The following CASD1 variants were observed in gnomAD, a reference collection of about 807,000 sequenced individuals.
The protein encoded by CASD1 is CAS1 domain sialic acid O acetyltransferase 1.
Under a neutral mutation model 100.0 loss-of-function variants are expected in CASD1, and 41 were observed. The ratio of observed to expected loss-of-function variants is 0.41; its 90% CI spans 0.32 to 0.53. The LOEUF is 0.53. CASD1 is among the 20% of genes least tolerant of loss of function. The pLI is 0.25. For missense variants in CASD1, 774 were observed against 948.7 expected (o/e 0.82, Z 2.42); for synonymous variants, 321 against 315.6 (o/e 1.02, Z -0.18).
At chr7:94,542,457 T>C (rs1795454585) in intron 10 of CASD1, among the ~76,000 whole-genome samples, 1 of 152,220 alleles carries the variant, frequency 6.6e-6, no homozygotes, top group South Asian at 2.1e-4. Flanking sequence ...GTTGAAATAT[T>C]TTGAACATAT....
intron 14 of CASD1, 123 bp downstream of exon 14, chr7:94,549,757 G>A (rs1795854793): frequency 4.8e-6 from 3 of 624,264 alleles, no homozygotes; most frequent in Non-Finnish European, 8.2e-6. Flanking sequence ...GTAAATCAAA[G>A]CAGTCCAGCA....
At chr7:94,604,650 T>C in the CASD1 span, among the ~76,000 whole-genome samples, 6 of 151,602 alleles carry the variant, frequency 4.0e-5, no homozygotes, top group African/African-American at 1.5e-4. Flanking sequence ...ATAGTTGTTA[T>C]AACTAATGGT....
At chr7:94,623,970 A>G in the CASD1 span, 3 of 382,146 alleles carry the variant, frequency 7.9e-6, no homozygotes, top group Admixed American at 9.0e-5. Context: ...AAAAACACAA[A>G]TCAATCCCTT....
chr7:94,527,275 C>G, intron 4 of CASD1, 69 bp downstream of exon 4: 1 of 1,090,736 alleles, frequency 9.2e-7, no homozygotes, highest in Non-Finnish European at 1.4e-6. Context: ...ATTGAACATA[C>G]TAAGTATATT....
At chr7:94,609,462 G>A in the CASD1 span, among the ~76,000 whole-genome samples, 6 of 152,314 alleles carry the variant, frequency 3.9e-5, no homozygotes, top group African/African-American at 1.4e-4. Flanking sequence ...AACCCAGGAG[G>A]CAGAGGCTGC....
At chr7:94,604,465 A>G in the CASD1 span, among the ~76,000 whole-genome samples, 14 of 151,898 alleles carry the variant, frequency 9.2e-5, no homozygotes, top group African/African-American at 3.1e-4. Flanking sequence ...AATTTGGAAA[A>G]CTCACAATTC....
At chr7:94,613,182 T>C in the CASD1 span, among the ~76,000 whole-genome samples, 1 of 152,210 alleles carries the variant, frequency 6.6e-6, no homozygotes, top group East Asian at 1.9e-4. Flanking sequence ...CTCATTAAGT[T>C]TTTTTAAAAA....
chr7:94,614,512 C>G, the CASD1 span, among the ~76,000 whole-genome samples: 1 of 152,186 alleles, frequency 6.6e-6, no homozygotes, highest in East Asian at 1.9e-4. Flanking sequence ...CATTTCCACA[C>G]TAAGTAGAGT....
At chr7:94,618,631 TC>T in the CASD1 span, 1 of 753,738 alleles carries the variant, frequency 1.3e-6, no homozygotes, top group Non-Finnish European at 2.2e-6. Context: ...TATGTTCATA[TC>T]TTTACAATAT....
intron 1 of CASD1, among the ~76,000 whole-genome samples, chr7:94,513,284 T>TC (rs1223547354): frequency 5.0e-5 from 5 of 99,736 alleles, no homozygotes; most frequent in African/African-American, 2.1e-4. Flanking sequence ...CAAGATCGCA[T>TC]CCCAAAAAAA....
rs2116155731 is a variant in CASD1 at position 94,511,927 on chromosome 7, C to T, written c.133+1710C>T. 1.3e-5 allele frequency among the ~76,000 whole-genome samples: 2 copies of T among 152,274 alleles called. 1 individual carries two copies. Among genetic ancestry groups the T allele is most frequent in the Non-Finnish European group, 2.9e-5 (2 of 68,016 alleles). On this transcript the variant is annotated intron_variant, in intron 1 of 17. Coordinates refer to ENST00000297273, the MANE Select transcript of CASD1 (RefSeq NM_022900.5). ...CTGGGATTGTTTATAAAGCCTTCTC[C>T]AGAAGTAAGTCATCAGTTTCCATAG...
the CASD1 span, among the ~76,000 whole-genome samples, chr7:94,562,547 C>G: frequency 6.6e-6 from 1 of 152,172 alleles, no homozygotes; most frequent in Non-Finnish European, 1.5e-5. Context: ...TCACAGTTCT[C>G]TGCAATTTAT....
At chr7:94,547,596 T>G (rs187118896) in intron 13 of CASD1, among the ~76,000 whole-genome samples, 52 of 151,996 alleles carry the variant, frequency 3.4e-4, no homozygotes, top group Admixed American at 3.9e-4. Flanking sequence ...ACAACCAACT[T>G]AGGAGCAAAG....
At chr7:94,550,682 C>CT (rs1048212975) in intron 14 of CASD1, among the ~76,000 whole-genome samples, 13 of 150,812 alleles carry the variant, frequency 8.6e-5, no homozygotes, top group South Asian at 2.1e-4. Flanking sequence ...TCTCTGGGGT[C>CT]TTTTTTTTTA....
intron 1 of CASD1, among the ~76,000 whole-genome samples, chr7:94,516,571 AAAT>A: frequency 2.6e-5 from 4 of 152,294 alleles, no homozygotes; most frequent in Admixed American, 2.6e-4. Flanking sequence ...AGATTAAATT[AAAT>A]AATATTTTAT....
At chr7:94,589,241 C>T in the CASD1 span, 11 of 165,992 alleles carry the variant, frequency 6.6e-5, no homozygotes, top group African/African-American at 1.2e-4. Context: ...GATGCATTGG[C>T]GGAATGCAGA....
Position 94,537,560 on chromosome 7 carries a change from T to C in CASD1, c.932T>C (p.Leu311Pro), listed in dbSNP as rs780981016. 1 of 1,613,842 alleles carries C rather than the reference T, an allele frequency of 6.2e-7. No individual in the cohort carries two copies. Among genetic ancestry groups the C allele is most frequent in the African/African-American group, 1.3e-5 (1 of 74,932 alleles). The stretch of plus-strand genomic sequence containing the variant: ...TGTCAACCTCGGCCTCCTGTTACTC[T>C]CATACAGAAGCTAGCTGCTTGTTTT... Reference protein sequence around the residue: ...SCCQPRPPVTLIQKLAACFFT... With the variant: ...SCCQPRPPVTPIQKLAACFFT... Residue 311 changes from leucine to proline, a missense_variant, in exon 9 of 18, where the codon CTC becomes CCC. Transcript: ENST00000297273.
the CASD1 span, chr7:94,618,716 T>A: frequency 1.3e-6 from 2 of 1,534,716 alleles, no homozygotes; most frequent in Admixed American, 3.4e-5. Flanking sequence ...TCACCGTATT[T>A]AAAAATCTAT....
the CASD1 span, among the ~76,000 whole-genome samples, chr7:94,568,118 A>G: frequency 1.3e-5 from 2 of 152,296 alleles, no homozygotes; most frequent in African/African-American, 4.8e-5. Context: ...GTATTATTTT[A>G]TAACATTGTA....
Sources: allele counts gnomAD v4.1 joint callset (sites outside exome capture counted in the v4.1 genomes callset), GRCh38; gene constraint gnomAD v4.1.1; transcripts MANE v1.5; gene names NCBI Gene and HGNC (gene_info 2026-07-23, HGNC 2026-07-21).